ANGEL1: variants seen among roughly 807,000 people sequenced by gnomAD.
The protein encoded by ANGEL1 is RNA 2',3'-cyclic phosphatase ANGEL1.
Under a neutral mutation model 76.4 loss-of-function variants are expected in ANGEL1, and 62 were observed. That is an observed-to-expected ratio of 0.81 (90% confidence interval 0.66 to 1.00). The LOEUF (loss-of-function observed/expected upper bound fraction) is 1.00, where lower values mean the gene tolerates loss of function less well. Among genes scored for constraint, ANGEL1 ranks in the 50% least tolerant of loss-of-function variants. The probability of loss-of-function intolerance (pLI) is 0.00; values close to 1 mark genes in which losing one functional copy is unlikely to be tolerated. For synonymous variants in ANGEL1, 340 were observed against 331.7 expected (o/e 1.03, Z -0.27); for missense variants, 737 against 836.7 (o/e 0.88, Z 1.47).
intron 1 of ANGEL1, among the ~76,000 whole-genome samples, chr14:76,810,998 G>A (rs927060221): frequency 1.2e-4 from 18 of 152,048 alleles, no homozygotes; most frequent in Non-Finnish European, 2.6e-4. Flanking sequence ...ATTGAAAGAC[G>A]GTTCAAATAT....
intron 5 of ANGEL1, 198 bp from the exon 6 acceptor site, chr14:76,804,110 T>C (rs1894846123): frequency 5.5e-6 from 8 of 1,451,992 alleles, no homozygotes; most frequent in Non-Finnish European, 7.2e-6. Context: ...CTGGCAACAC[T>C]GAAATGTCCA....
intron 7 of ANGEL1, among the ~76,000 whole-genome samples, chr14:76,800,855 C>G (rs1317474503): frequency 2.6e-5 from 4 of 152,018 alleles, no homozygotes; most frequent in Non-Finnish European, 5.9e-5. Context: ...TGCCCAGAGC[C>G]CCAGCTATTG....
At position 76,812,172 on chromosome 14, in the gene ANGEL1, C is replaced by T. The variant is rs1895106582; in HGVS notation, c.64+592G>A. 5 of 908,256 alleles carry T rather than the reference C, an allele frequency of 5.5e-6. No individual in the cohort carries two copies. In the South Asian group the frequency reaches 1.5e-4, roughly 28 times the overall value. The allele number at this position is 908,256 out of a possible 1,614,324, so 56.3% of individuals were successfully genotyped here. A position where few individuals can be genotyped will look rare whatever the true frequency, so the allele number is the denominator to read the frequency against. ...CACCCCAGCACATCTCCCTCTAAAC[C>T]GCCGGGAGTGGGGGCAGGAATGCTC... On this transcript the variant is annotated intron_variant, in intron 1 of 9. Transcript: ENST00000251089.
At position 76,789,044 on chromosome 14, in the gene ANGEL1, A is replaced by G; in HGVS notation, c.*184T>C. On this transcript the variant is annotated 3_prime_UTR_variant, in exon 10 of 10. Transcript: ENST00000251089. ...AGGAAGAGGCTGGGGTGGGGCAAGG[A>G]CCACAGGCAGAGAACGCAGCCAGGC... 1.3e-6 allele frequency: 1 copy of G among 775,938 alleles called. No individual in the cohort carries two copies. The allele number at this position is 775,938 out of a possible 1,614,324, so 48.1% of individuals were successfully genotyped here.
chr14:76,800,533 T>C (rs1477276230), intron 7 of ANGEL1, among the ~76,000 whole-genome samples: 1 of 152,256 alleles, frequency 6.6e-6, no homozygotes, highest in African/African-American at 2.4e-5. Context: ...CCTTTCACTA[T>C]AGTTTTCCCA....
intron 7 of ANGEL1, among the ~76,000 whole-genome samples, chr14:76,796,779 A>C (rs1341720153): frequency 6.6e-6 from 1 of 152,240 alleles, no homozygotes; most frequent in Admixed American, 6.5e-5. Flanking sequence ...AGAAAGATCA[A>C]TTAAAGCCTT....
intron 9 of ANGEL1, 61 bp downstream of exon 9, chr14:76,790,549 AC>A: frequency 6.5e-7 from 1 of 1,546,866 alleles, no homozygotes; most frequent in Non-Finnish European, 8.7e-7. Context: ...CAAATGCCTG[AC>A]CTACCATTAG....
chr14:76,804,489 C>T, intron 5 of ANGEL1: 2 of 979,948 alleles, frequency 2.0e-6, no homozygotes, highest in Non-Finnish European at 2.4e-6. Context: ...ACGTGTGTAG[C>T]AAAAGTCCCT....
intron 1 of ANGEL1, chr14:76,810,159 G>A: frequency 2.2e-6 from 1 of 454,436 alleles, no homozygotes; most frequent in Non-Finnish European, 4.4e-6. Flanking sequence ...CAGGCGTGGT[G>A]GCTCCCAGCA....
chr14:76,808,770 C>T (rs1167930200), intron 2 of ANGEL1, among the ~76,000 whole-genome samples: 1 of 152,180 alleles, frequency 6.6e-6, no homozygotes, highest in Non-Finnish European at 1.5e-5. Context: ...AGAGAAATGA[C>T]ATTGTGGAGA....
At chr14:76,799,380 G>A (rs376907982) in intron 7 of ANGEL1, among the ~76,000 whole-genome samples, 2 of 130,298 alleles carry the variant, frequency 1.5e-5, no homozygotes, top group Admixed American at 9.6e-5. Flanking sequence ...TGCAAGCTCT[G>A]CCTCCCGCGT....
At chr14:76,794,972 T>C (rs1894534577) in intron 7 of ANGEL1, among the ~76,000 whole-genome samples, 2 of 152,172 alleles carry the variant, frequency 1.3e-5, no homozygotes, top group Non-Finnish European at 2.9e-5. Flanking sequence ...TTTTTATCCT[T>C]CTATTTTGCT....
chr14:76,793,857 TAATAA>T (rs569446442), intron 7 of ANGEL1, among the ~76,000 whole-genome samples: 11 of 152,068 alleles, frequency 7.2e-5, no homozygotes, highest in Non-Finnish European at 1.6e-4. Context: ...TTAACAATAA[TAATAA>T]AATAGAAAAA....
Position 76,803,797 on chromosome 14 carries a change from G to T in ANGEL1, c.1496C>A (p.Pro499His). The stretch of plus-strand genomic sequence containing the variant: ...TGACATGTGCTCACCTGATCTCTTG[G>T]GGTGACAGGAGGTGACATACTGACA... ...DCCQYVTSCH[P>H]KRSERRKYGR... Residue 499 changes from proline to histidine, a missense_variant, in exon 6 of 10, where the codon CCC becomes CAC. Pro to His is a moderately conservative substitution (Grantham distance 77). Around this residue, in one of 2 missense-constraint regions of ANGEL1, gnomAD observed 296 missense variants for 387.2 expected, o/e 0.76. Coordinates refer to ENST00000251089, the MANE Select transcript of ANGEL1 (RefSeq NM_015305.4). 1 of 1,612,762 alleles carries T rather than the reference G, an allele frequency of 6.2e-7. No individual in the cohort carries two copies. The highest frequency in any genetic ancestry group is 1.3e-5 in the African/African-American group (1 of 75,006).
chr14:76,803,483 T>C lies in ANGEL1; in HGVS notation c.1508-2A>G. 6.2e-7 allele frequency: 1 copy of C among 1,614,014 alleles called. No individual in the cohort carries two copies. ...AGTCTCGGCCATACTTGCGTCTCTC[T>C]GTAAACCAGGAAAAGACATATAGTG... On this transcript the variant is annotated splice_acceptor_variant, in intron 6 of 9. Coordinates refer to ENST00000251089, the MANE Select transcript of ANGEL1 (RefSeq NM_015305.4). LOFTEE classifies it high-confidence loss of function.
rs1052783850 is a variant in ANGEL1 at position 76,789,086 on chromosome 14, C to T, written c.*142G>A. ...CAGCCAGGCCTGGAGAAAGTCTAAC[C>T]GTGGGAAAAAGGGAACGAGGAGGGG... On this transcript the variant is annotated 3_prime_UTR_variant, in exon 10 of 10. Coordinates refer to ENST00000251089, the MANE Select transcript of ANGEL1 (RefSeq NM_015305.4). 7.0e-5 allele frequency: 82 copies of T among 1,171,360 alleles called. No individual in the cohort carries two copies. Among genetic ancestry groups the T allele is most frequent in the African/African-American group, 6.6e-4 (43 of 65,114 alleles). 72.6% of individuals were successfully genotyped at this position (1,171,360 alleles called of 1,614,324 possible).
Position 76,808,075 on chromosome 14 carries a change from AGG to A in ANGEL1, c.721_722del (p.Pro241SerfsTer10). On this transcript the variant is annotated frameshift_variant, in exon 3 of 10. Transcript: ENST00000251089. LOFTEE classifies it high-confidence loss of function. Reference protein sequence around the residue: ...DAQGLKAGDGPQFQFTLMSYN... With the variant: ...DAQGLKAGDGXQFQFTLMSYN... The stretch of plus-strand genomic sequence containing the variant: ...AAGACATCAGAGTGAACTGGAACTG[AGG>A]GCCATCTCCTGCCTTCAGGCCCTGA... 2.5e-6 allele frequency: 4 copies of A among 1,614,062 alleles called. No individual in the cohort carries two copies. Among genetic ancestry groups the A allele is most frequent in the Non-Finnish European group, 2.5e-6 (3 of 1,180,040 alleles).
intron 1 of ANGEL1, 165 bp downstream of exon 1, chr14:76,812,599 A>T (rs1895121708): frequency 2.3e-6 from 3 of 1,299,624 alleles, no homozygotes; most frequent in Non-Finnish European, 2.9e-6. Flanking sequence ...TGGGGTCAGG[A>T]GGGGCCCGCG....
Position 76,809,120 on chromosome 14 carries a change from G to A in ANGEL1, c.588C>T (p.Ser196=), listed in dbSNP as rs1189203684. The A allele has an allele frequency of 9.3e-6, 15 of 1,614,188 alleles. No individual in the cohort carries two copies. The highest frequency in any genetic ancestry group is 1.3e-5 in the Non-Finnish European group (15 of 1,180,020). ...GCCCCAGGCCCTCAAAGGGCCAGAT[G>A]GAAGCCTCTTCCTGGGGCACAGGCT... ...APEPVPQEEA[S]IWPFEGLGQL... Residue 196 remains serine, a synonymous_variant, in exon 2 of 10, where the codon TCC becomes TCT. Coordinates refer to ENST00000251089, the MANE Select transcript of ANGEL1 (RefSeq NM_015305.4).
Sources: gnomAD v4.1 joint callset for allele counts (sites outside exome capture counted in the v4.1 genomes callset) on GRCh38, gnomAD v4.1.1 for gene constraint, gnomAD v4.1.1 regional missense constraint, MANE v1.5 for transcripts, NCBI Gene and HGNC (gene_info 2026-07-23, HGNC 2026-07-21) for gene names.